ARHGAP20: variants seen among roughly 807,000 people sequenced by gnomAD.
ARHGAP20 encodes the protein rho GTPase-activating protein 20.
Under a neutral mutation model 73.7 loss-of-function variants are expected in ARHGAP20, and 34 were observed. The observed-to-expected ratio is 0.46, with a 90% confidence interval of 0.35 to 0.61. The LOEUF (loss-of-function observed/expected upper bound fraction) is 0.61, where lower values mean the gene tolerates loss of function less well. Ranked by LOEUF, ARHGAP20 falls within the 20% of genes least tolerant of loss-of-function variation. The probability of loss-of-function intolerance (pLI) is 0.00; values close to 1 mark genes in which losing one functional copy is unlikely to be tolerated. For missense variants in ARHGAP20, 1,314 were observed against 1,420.9 expected, an observed-to-expected ratio of 0.92 and a Z score of 1.21; for synonymous variants, 523 against 518.2, an observed-to-expected ratio of 1.01 and a Z score of -0.13.
intron 9 of ARHGAP20, among the ~76,000 whole-genome samples, chr11:110,596,781 C>T (rs1448315220): frequency 6.6e-6 from 1 of 152,108 alleles, no homozygotes; most frequent in Non-Finnish European, 1.5e-5. Flanking sequence ...CTCAGTAATC[C>T]CGTTACTGGG....
At chr11:110,660,837 T>C (rs80159343) in intron 2 of ARHGAP20, among the ~76,000 whole-genome samples, 2,554 of 152,214 alleles carry the variant, frequency 0.017, 76 homozygotes, top group African/African-American at 0.058. Context: ...AGAAAAAAAT[T>C]GGGGCTAGAA....
intron 1 of ARHGAP20, chr11:110,711,849 C>T: frequency 1.5e-6 from 2 of 1,316,316 alleles, no homozygotes; most frequent in Non-Finnish European, 1.9e-6. Flanking sequence ...GGCTGCAGAA[C>T]CGGCGGCGGA....
intron 2 of ARHGAP20, among the ~76,000 whole-genome samples, chr11:110,675,431 C>T (rs1591166513): frequency 1.3e-5 from 2 of 152,246 alleles, no homozygotes; most frequent in South Asian, 2.1e-4. Flanking sequence ...GCAGTGGTTC[C>T]CAACCTTTTT....
rs1947473652 is a variant in ARHGAP20 at position 110,581,722 on chromosome 11, TAA to T, written c.1721-499_1721-498del. 2.6e-5 allele frequency among the ~76,000 whole-genome samples: 4 copies of T among 152,194 alleles called. No homozygotes were observed. The South Asian group carries it at 8.3e-4, about 31-fold the overall frequency. On this transcript the variant is annotated intron_variant, in intron 14 of 14. Transcript: ENST00000683387. ...ATTATTTTCATCCACATTTTAGAGATAAAGACAATGATGTTCAGTGGCATAGA... is the reference window on the plus strand; with the variant it reads ...ATTATTTTCATCCACATTTTAGAGATAGACAATGATGTTCAGTGGCATAGA...
At chr11:110,582,741 T>C (rs1947507585) in intron 13 of ARHGAP20, among the ~76,000 whole-genome samples, 1 of 152,234 alleles carries the variant, frequency 6.6e-6, no homozygotes, top group South Asian at 2.1e-4. Flanking sequence ...TTATAAAGCA[T>C]CATTAGACAA....
intron 2 of ARHGAP20, among the ~76,000 whole-genome samples, chr11:110,676,182 T>C (rs965558017): frequency 5.3e-5 from 8 of 152,140 alleles, no homozygotes; most frequent in African/African-American, 1.7e-4. Context: ...ATACAGCAAG[T>C]GGAGAATATT....
chr11:110,637,227 A>T (rs1948986824), intron 2 of ARHGAP20, among the ~76,000 whole-genome samples: 1 of 152,130 alleles, frequency 6.6e-6, no homozygotes, highest in East Asian at 1.9e-4. Flanking sequence ...ATCATAAATT[A>T]CAAAGAAAAT....
At chr11:110,603,687 C>G (rs564382538) in intron 9 of ARHGAP20, among the ~76,000 whole-genome samples, 1 of 152,178 alleles carries the variant, frequency 6.6e-6, no homozygotes, top group South Asian at 2.1e-4. Flanking sequence ...AGAGCTTCCA[C>G]CTAACCTTCA....
intron 11 of ARHGAP20, among the ~76,000 whole-genome samples, chr11:110,588,399 T>C (rs1200125187): frequency 6.6e-6 from 1 of 152,226 alleles, no homozygotes; most frequent in Non-Finnish European, 1.5e-5. Context: ...TTTGAAGAGT[T>C]AAGCTATAAC....
At chr11:110,691,187 T>G (rs1327541355) in intron 1 of ARHGAP20, 4 of 491,468 alleles carry the variant, frequency 8.1e-6, no homozygotes, top group Non-Finnish European at 1.4e-5. Flanking sequence ...TAAAAAAATC[T>G]TTTTTTCTAG....
intron 1 of ARHGAP20, among the ~76,000 whole-genome samples, chr11:110,709,956 C>A (rs372851640): frequency 2.6e-5 from 4 of 152,148 alleles, no homozygotes; most frequent in Non-Finnish European, 5.9e-5. Context: ...TGAGAGATGG[C>A]GGCTTGGCTT....
chr11:110,704,068 C>T (rs1174543688), intron 1 of ARHGAP20, among the ~76,000 whole-genome samples: 2 of 152,100 alleles, frequency 1.3e-5, no homozygotes, highest in East Asian at 1.9e-4. Flanking sequence ...GGGAAAAGTA[C>T]TGTGATCAAA....
At chr11:110,691,450 C>T (rs1371546919) in intron 1 of ARHGAP20, among the ~76,000 whole-genome samples, 1 of 152,122 alleles carries the variant, frequency 6.6e-6, no homozygotes, top group Non-Finnish European at 1.5e-5. Context: ...CCCTTTCATC[C>T]CATATCCCTC....
intron 9 of ARHGAP20, among the ~76,000 whole-genome samples, chr11:110,601,306 T>C (rs4388918): frequency 0.16 from 24,176 of 152,192 alleles, 2,454 homozygotes; most frequent in East Asian, 0.31. Context: ...AAAAAAGAAG[T>C]ATTAGCTCAT....
intron 4 of ARHGAP20, among the ~76,000 whole-genome samples, chr11:110,620,298 T>C (rs1948601316): frequency 6.6e-6 from 1 of 152,044 alleles, no homozygotes; most frequent in African/African-American, 2.4e-5. Flanking sequence ...TACAGGTGTA[T>C]GCCACCATGC....
chr11:110,607,346 G>A (rs1948257803), intron 8 of ARHGAP20, among the ~76,000 whole-genome samples: 1 of 152,108 alleles, frequency 6.6e-6, no homozygotes, highest in Admixed American at 6.6e-5. Flanking sequence ...GATGTTCAGA[G>A]GCAATAATCA....
chr11:110,706,778 G>T (rs1206009677), intron 1 of ARHGAP20, among the ~76,000 whole-genome samples: 1 of 152,036 alleles, frequency 6.6e-6, no homozygotes, highest in East Asian at 1.9e-4. Flanking sequence ...GATAACAGAG[G>T]CCATTCCTGA....
rs1467619180 is a variant in ARHGAP20 at position 110,624,172 on chromosome 11, C to T, written c.493G>A (p.Ala165Thr). The part of the protein sequence containing the change: ...VLGWPTVNFV[A>T]TFSSPEQKDK... ...AGCTGTGGTTCTTACCTGAAAGTGG[C>T]CACAAAGTTCACTGTGGGCCAGCCC... The change falls in exon 4 of 15, where the codon GCC becomes ACC. Residue 165 changes from alanine (A) to threonine (T), a missense_variant. Transcript: ENST00000683387. The T allele has an allele frequency of 6.2e-7, 1 of 1,610,328 alleles. No individual in the cohort carries two copies. Among genetic ancestry groups the T allele is most frequent in the Non-Finnish European group, 8.5e-7 (1 of 1,179,086 alleles).
intron 11 of ARHGAP20, 114 bp downstream of exon 11, chr11:110,590,534 A>T: frequency 8.9e-7 from 1 of 1,129,726 alleles, no homozygotes; most frequent in Non-Finnish European, 1.2e-6. Flanking sequence ...AAATTATGTT[A>T]ATAAATCTAT....
Sources: allele counts gnomAD v4.1 joint callset (sites outside exome capture counted in the v4.1 genomes callset), GRCh38; gene constraint gnomAD v4.1.1; transcripts MANE v1.5; gene names NCBI Gene and HGNC (gene_info 2026-07-23, HGNC 2026-07-21).